Variants in NUMB observed in about 807,000 individuals in gnomAD.
The protein encoded by NUMB is protein numb homolog.
A neutral mutation model predicts 59.7 loss-of-function variants in NUMB; 29 were observed. That is an observed-to-expected ratio of 0.49 (90% CI 0.36 to 0.66). NUMB has a LOEUF of 0.66. NUMB is among the 30% of genes least tolerant of loss of function. The pLI is 0.00. For synonymous variants in NUMB, 288 were observed against 288.2 expected (o/e 1.00, Z 0.01); for missense variants, 723 against 822.0 (o/e 0.88, Z 1.47).
chr14:73,319,526 C>T (rs1195425242), intron 5 of NUMB, among the ~76,000 whole-genome samples: 1 of 152,028 alleles, frequency 6.6e-6, no homozygotes, highest in Non-Finnish European at 1.5e-5. Context: ...TATATTTGCT[C>T]CCACTTATTT....
At chr14:73,346,390 G>A (rs1373994210) in intron 4 of NUMB, among the ~76,000 whole-genome samples, 1 of 151,054 alleles carries the variant, frequency 6.6e-6, no homozygotes, top group African/African-American at 2.4e-5. Context: ...TGAGGCAGGA[G>A]AATTGCTTGA....
intron 4 of NUMB, among the ~76,000 whole-genome samples, chr14:73,329,907 T>C (rs1188146201): frequency 1.3e-5 from 2 of 152,352 alleles, no homozygotes; most frequent in Admixed American, 6.5e-5. Context: ...TTAACTGTTA[T>C]CTGATTTCTT....
rs112936244 is a variant in NUMB at position 73,291,284 on chromosome 14, T to C, written c.450+1450A>G. ...TTAGTAGAGACAGGGTTTCATCATG[T>C]TGGCCAGGCTGGTCTCCAACTCCTG... is the stretch of plus-strand genomic sequence containing the variant. On this transcript the variant is annotated intron_variant, in intron 8 of 12. Transcript: ENST00000555238. Among the ~76,000 whole-genome samples, 704 of 152,286 alleles carry C rather than the reference T, an allele frequency of 4.6e-3. 4 individuals are homozygous for C. Among genetic ancestry groups the C allele is most frequent in the African/African-American group, 0.016 (680 of 41,564 alleles).
intron 2 of NUMB, among the ~76,000 whole-genome samples, chr14:73,391,561 C>T (rs772463263): frequency 1.3e-5 from 2 of 152,044 alleles, no homozygotes; most frequent in Non-Finnish European, 1.5e-5. Context: ...CTGTGAGCAT[C>T]CATGATAAAG....
chr14:73,346,159 C>T (rs577600514), intron 4 of NUMB, among the ~76,000 whole-genome samples: 112 of 152,100 alleles, frequency 7.4e-4, no homozygotes, highest in African/African-American at 2.5e-3. Context: ...TCATTTGTTA[C>T]ATTAAAATCC....
At chr14:73,286,513 T>C (rs1480622587) in intron 9 of NUMB, 1 of 153,594 alleles carries the variant, frequency 6.5e-6, no homozygotes, top group Non-Finnish European at 1.4e-5. Flanking sequence ...TGTACAGGCA[T>C]TTCTGCTGTG....
intron 1 of NUMB, among the ~76,000 whole-genome samples, chr14:73,441,722 T>A (rs1883083206): frequency 6.6e-6 from 1 of 151,172 alleles, no homozygotes; most frequent in Admixed American, 6.6e-5. Flanking sequence ...CCAAAAAATT[T>A]AAAAAATAAA....
At chr14:73,343,429 G>A (rs904873578) in intron 4 of NUMB, among the ~76,000 whole-genome samples, 3 of 152,156 alleles carry the variant, frequency 2.0e-5, no homozygotes, top group African/African-American at 4.8e-5. Flanking sequence ...TAGTAACTAC[G>A]GTTGACATTG....
At chr14:73,340,017 G>T (rs1390439205) in intron 4 of NUMB, among the ~76,000 whole-genome samples, 1 of 152,112 alleles carries the variant, frequency 6.6e-6, no homozygotes, top group African/African-American at 2.4e-5. Flanking sequence ...GCTTTCTCTG[G>T]TTGGTCCAGA....
chr14:73,420,577 T>C (rs1048251478), intron 1 of NUMB, among the ~76,000 whole-genome samples: 2 of 152,212 alleles, frequency 1.3e-5, no homozygotes, highest in African/African-American at 4.8e-5. Flanking sequence ...CCCAGCACTT[T>C]GGGATGCCAA....
At chr14:73,286,924 T>C (rs1225585226) in intron 9 of NUMB, 186 bp downstream of exon 9, 3 of 612,080 alleles carry the variant, frequency 4.9e-6, no homozygotes, top group African/African-American at 3.7e-5. Context: ...GGAGTAAATA[T>C]TTTTGAAGCC....
chr14:73,427,459 T>C (rs1343763520), intron 1 of NUMB, among the ~76,000 whole-genome samples: 1 of 151,930 alleles, frequency 6.6e-6, no homozygotes, highest in Non-Finnish European at 1.5e-5. Flanking sequence ...AGTGAGACTC[T>C]GTCTAGAAAA....
At chr14:73,300,804 C>T (rs183942799) in intron 6 of NUMB, among the ~76,000 whole-genome samples, 1 of 152,066 alleles carries the variant, frequency 6.6e-6, no homozygotes, top group East Asian at 1.9e-4. Flanking sequence ...ATTCCTCCCC[C>T]CTCCCCTCAC....
At chr14:73,422,935 T>C (rs548011692) in intron 1 of NUMB, among the ~76,000 whole-genome samples, 1 of 151,828 alleles carries the variant, frequency 6.6e-6, no homozygotes, top group African/African-American at 2.4e-5. Flanking sequence ...ACTGTTATAT[T>C]CCCAGATGTT....
intron 6 of NUMB, among the ~76,000 whole-genome samples, chr14:73,302,971 T>A (rs1399699410): frequency 6.6e-6 from 1 of 152,014 alleles, no homozygotes; most frequent in African/African-American, 2.4e-5. Flanking sequence ...TCCCAGCACT[T>A]TGGGAGGAAG....
At chr14:73,307,707 G>A (rs1021106785) in intron 6 of NUMB, among the ~76,000 whole-genome samples, 4 of 148,222 alleles carry the variant, frequency 2.7e-5, no homozygotes, top group African/African-American at 5.0e-5. Context: ...GGACAGTGAA[G>A]CAACATAATC....
chr14:73,357,451 T>C (rs1436906247), intron 3 of NUMB, among the ~76,000 whole-genome samples: 3 of 150,660 alleles, frequency 2.0e-5, no homozygotes, highest in Non-Finnish European at 4.4e-5. Context: ...TATATTCTTT[T>C]ATATCACATT....
At chr14:73,313,667 T>TAAAAAAAAA (rs1890904306) in intron 6 of NUMB, among the ~76,000 whole-genome samples, 1 of 36,746 alleles carries the variant, frequency 2.7e-5, no homozygotes, top group African/African-American at 2.3e-4. Context: ...TTCCAAAATC[T>TAAAAAAAAA]GAAAAAAAAA....
At chr14:73,389,899 A>ATACCAAAAGAC (rs1437024334) in intron 2 of NUMB, among the ~76,000 whole-genome samples, 1 of 152,200 alleles carries the variant, frequency 6.6e-6, no homozygotes, top group African/African-American at 2.4e-5. Flanking sequence ...ATAGGTTTAT[A>ATACCAAAAGAC]TACCAAAAGA....
Sources: gnomAD v4.1 joint callset for allele counts (sites outside exome capture counted in the v4.1 genomes callset) on GRCh38, gnomAD v4.1.1 for gene constraint, MANE v1.5 for transcripts, NCBI Gene and HGNC (gene_info 2026-07-23, HGNC 2026-07-21) for gene names.